The following FOCAD variants were observed in gnomAD, a reference collection of about 807,000 sequenced individuals.
The protein encoded by FOCAD is focadhesin.
Under a neutral mutation model 225.6 loss-of-function variants are expected in FOCAD, and 198 were observed. The ratio of observed to expected loss-of-function variants is 0.88; its 90% CI spans 0.78 to 0.99. The LOEUF is 0.99. Among genes scored for constraint, FOCAD ranks in the 50% least tolerant of loss-of-function variants. FOCAD has a pLI of 0.00. For missense variants in FOCAD, 2,713 were observed against 2,123.6 expected (o/e 1.28, Z -5.46); for synonymous variants, 897 against 755.0 (o/e 1.19, Z -3.08).
chr9:20,915,660 C>T (rs1439734198), intron 23 of FOCAD, among the ~76,000 whole-genome samples: 2 of 152,120 alleles, frequency 1.3e-5, no homozygotes, highest in South Asian at 2.1e-4. Flanking sequence ...TGACGTATAA[C>T]AGACCAAGAA....
At chr9:20,804,078 C>G (rs894620191) in intron 11 of FOCAD, among the ~76,000 whole-genome samples, 1 of 151,996 alleles carries the variant, frequency 6.6e-6, no homozygotes, top group Non-Finnish European at 1.5e-5. Flanking sequence ...TAGAGATTGC[C>G]AGAAGGTGGG....
intron 26 of FOCAD, 89 bp downstream of exon 26, chr9:20,926,506 A>G (rs921976863): frequency 9.6e-6 from 8 of 836,814 alleles, no homozygotes; most frequent in Non-Finnish European, 1.4e-5. Flanking sequence ...TATATAGGCC[A>G]GGCGCGGTGG....
chr9:20,759,862 C>T (rs1461972400), intron 6 of FOCAD, among the ~76,000 whole-genome samples: 2 of 152,228 alleles, frequency 1.3e-5, no homozygotes, highest in Non-Finnish European at 2.9e-5. Flanking sequence ...TCCCCTTGGA[C>T]ACTGGCTAAT....
At chr9:20,909,719 A>G (rs897139752) in intron 22 of FOCAD, among the ~76,000 whole-genome samples, 6 of 152,156 alleles carry the variant, frequency 3.9e-5, no homozygotes, top group Admixed American at 2.0e-4. Context: ...GGCTATCACT[A>G]TTACTTGAAA....
chr9:20,874,442 A>G (rs1052517369), intron 18 of FOCAD: 35 of 403,218 alleles, frequency 8.7e-5, no homozygotes, highest in African/African-American at 7.2e-4. Context: ...TTACTGTATT[A>G]ACATAAGCTT....
At chr9:20,764,791 A>G (rs370772569) in intron 6 of FOCAD, 78 bp from the exon 7 acceptor site, 103 of 1,060,582 alleles carry the variant, frequency 9.7e-5, no homozygotes, top group African/African-American at 9.1e-4. Context: ...GTCATGAACT[A>G]TAAGTTGATA....
At chr9:20,787,078 GCAAACAAA>G in intron 10 of FOCAD, 1 of 329,148 alleles carries the variant, frequency 3.0e-6, no homozygotes, top group East Asian at 9.4e-5. Context: ...CTAACCTTAG[GCAAACAAA>G]CAAACAAACA....
chr9:20,928,472 C>G (rs1053220047), intron 26 of FOCAD, among the ~76,000 whole-genome samples: 3 of 152,096 alleles, frequency 2.0e-5, no homozygotes, highest in Admixed American at 2.0e-4. Context: ...CAACACTGCC[C>G]TTATGGTGTG....
At chr9:20,844,547 C>T (rs1587378259) in intron 15 of FOCAD, among the ~76,000 whole-genome samples, 1 of 151,124 alleles carries the variant, frequency 6.6e-6, no homozygotes, top group African/African-American at 2.4e-5. Context: ...TTTTAGTAGA[C>T]ACAGGGTTTC....
chr9:20,817,658 G>A (rs1823869071), intron 11 of FOCAD, among the ~76,000 whole-genome samples: 1 of 107,458 alleles, frequency 9.3e-6, no homozygotes, highest in South Asian at 3.3e-4. Flanking sequence ...GCCTTTTGTG[G>A]CTTTTTTTTC....
At chr9:20,903,726 T>C (rs1832734081) in intron 21 of FOCAD, among the ~76,000 whole-genome samples, 1 of 152,004 alleles carries the variant, frequency 6.6e-6, no homozygotes, top group Non-Finnish European at 1.5e-5. Context: ...GTTACCATTT[T>C]TTAAAATTGA....
At chr9:20,986,195 C>G (rs1333482250) in intron 39 of FOCAD, 93 bp from the exon 40 acceptor site, 1 of 1,183,326 alleles carries the variant, frequency 8.5e-7, no homozygotes, top group Non-Finnish European at 1.1e-6. Flanking sequence ...TAACATCCAA[C>G]TCATCTTTTT....
rs1186579884 is a variant in FOCAD, at chr9:20,778,263, G to A, written c.907-418G>A. ...ATTGACTAATTCTTTCTTTTTTTTT[G>A]AGATGGAATCTCGCTCTGCCACCCA... On this transcript the variant is annotated intron_variant, in intron 8 of 43. Coordinates refer to ENST00000338382, the MANE Select transcript of FOCAD (RefSeq NM_001375567.1). Among the ~76,000 whole-genome samples the A allele has an allele frequency of 2.0e-5, 3 of 149,930 alleles. 1 individual carries two copies. Among genetic ancestry groups the A allele is most frequent in the South Asian group, 4.2e-4 (2 of 4,758 alleles).
At chr9:20,881,327 C>T (rs566596389) in intron 19 of FOCAD, among the ~76,000 whole-genome samples, 2 of 152,112 alleles carry the variant, frequency 1.3e-5, no homozygotes, top group African/African-American at 2.4e-5. Flanking sequence ...GGGTATTAGA[C>T]ATTAACTCTG....
intron 11 of FOCAD, among the ~76,000 whole-genome samples, chr9:20,806,488 A>G (rs1420378199): frequency 2.0e-5 from 3 of 152,312 alleles, no homozygotes; most frequent in Admixed American, 6.5e-5. Flanking sequence ...GGCAGTAGCC[A>G]TAAGACAAGC....
At chr9:20,916,268 G>T (rs1219457907) in intron 23 of FOCAD, among the ~76,000 whole-genome samples, 4 of 152,042 alleles carry the variant, frequency 2.6e-5, no homozygotes, top group Non-Finnish European at 5.9e-5. Context: ...ATTCTATATT[G>T]AATTAAAAAT....
At chr9:20,732,159 G>A (rs1249124625) in intron 4 of FOCAD, among the ~76,000 whole-genome samples, 1 of 152,116 alleles carries the variant, frequency 6.6e-6, no homozygotes, top group Non-Finnish European at 1.5e-5. Context: ...CCGTGGTGAG[G>A]AATGCAGACG....
rs995486719 is a variant in FOCAD at position 20,824,823 on chromosome 9, C to A, written c.1920+1708C>A. Among the ~76,000 whole-genome samples, 6 of 152,130 alleles carry A rather than the reference C, an allele frequency of 3.9e-5. No individual in the cohort carries two copies. The South Asian group carries it at 1.2e-3, about 32-fold the overall frequency. ...AGTTCATTTTATTAGAAAAAGAATG[C>A]TTATTTTCTTACCTCTTGTTTTTCG... On this transcript the variant is annotated intron_variant, in intron 15 of 43. Coordinates refer to ENST00000338382, the MANE Select transcript of FOCAD (RefSeq NM_001375567.1).
At chr9:20,772,064 T>C (rs976799109) in intron 8 of FOCAD, among the ~76,000 whole-genome samples, 2 of 152,136 alleles carry the variant, frequency 1.3e-5, no homozygotes, top group African/African-American at 4.8e-5. Flanking sequence ...AGTGAGGGCC[T>C]AATGAGGGAA....
Sources: allele counts gnomAD v4.1 joint callset (sites outside exome capture counted in the v4.1 genomes callset), GRCh38; gene constraint gnomAD v4.1.1; transcripts MANE v1.5; gene names NCBI Gene and HGNC (gene_info 2026-07-23, HGNC 2026-07-21).